Variants in NKAIN2 observed in about 807,000 individuals in gnomAD.
NKAIN2 encodes the protein sodium/potassium transporting ATPase interacting 2.
In NKAIN2, 14 loss-of-function variants were observed where a neutral mutation model predicts 32.6. The observed-to-expected ratio is 0.43, with a 90% CI of 0.28 to 0.67. The LOEUF is 0.67. NKAIN2 is among the 30% of genes least tolerant of loss of function. The pLI is 0.17. For synonymous variants in NKAIN2, 80 were observed against 87.2 expected (o/e 0.92, Z 0.46); for missense variants, 198 against 258.3 (o/e 0.77, Z 1.60).
chr6:124,135,537 G>T (rs1283375125), intron 1 of NKAIN2, among the ~76,000 whole-genome samples: 2 of 83,380 alleles, frequency 2.4e-5, no homozygotes, highest in East Asian at 4.1e-4. Context: ...AAAAAAAAAA[G>T]AAGACATTAT....
rs138180859 is a variant in NKAIN2, at chr6:124,715,446, C to T, written c.474+57060C>T. 1.8e-4 allele frequency among the ~76,000 whole-genome samples: 27 copies of T among 152,276 alleles called. No individual in the cohort carries two copies. The East Asian group carries it at 4.1e-3, about 23-fold the overall frequency. On this transcript the variant is annotated intron_variant, in intron 4 of 6. Transcript: ENST00000368417. ...CTGTGGGGCTAGAACTAGACTTAGC[C>T]TTGAGCTCTGCTCCGTGAGCCACTC...
At chr6:124,024,848 A>C (rs770661602) in intron 1 of NKAIN2, among the ~76,000 whole-genome samples, 11 of 151,934 alleles carry the variant, frequency 7.2e-5, no homozygotes, top group Non-Finnish European at 1.6e-4. Flanking sequence ...TTAGCCGAGC[A>C]TGGTGGCACA....
intron 3 of NKAIN2, among the ~76,000 whole-genome samples, chr6:124,578,449 C>G (rs541810449): frequency 6.6e-6 from 1 of 152,044 alleles, no homozygotes; most frequent in African/African-American, 2.4e-5. Context: ...TTGCTATGGG[C>G]CTGGATCTAT....
chr6:124,306,653 A>T (rs952992524), intron 2 of NKAIN2, among the ~76,000 whole-genome samples: 2 of 152,246 alleles, frequency 1.3e-5, no homozygotes, highest in African/African-American at 4.8e-5. Flanking sequence ...CCCAGCTAAG[A>T]CATATATATT....
At chr6:124,740,811 G>A (rs1250272652) in intron 4 of NKAIN2, among the ~76,000 whole-genome samples, 1 of 151,768 alleles carries the variant, frequency 6.6e-6, no homozygotes, top group African/African-American at 2.4e-5. Context: ...GGACAGTAAA[G>A]GTTGTAATAA....
At chr6:124,048,829 C>T (rs955076402) in intron 1 of NKAIN2, among the ~76,000 whole-genome samples, 1 of 151,954 alleles carries the variant, frequency 6.6e-6, no homozygotes, top group Non-Finnish European at 1.5e-5. Flanking sequence ...TTACTGCTGT[C>T]ACAGTAATTT....
chr6:124,710,267 G>A (rs1460901923), intron 4 of NKAIN2, among the ~76,000 whole-genome samples: 1 of 152,034 alleles, frequency 6.6e-6, no homozygotes, highest in African/African-American at 2.4e-5. Context: ...GGTCAATTTT[G>A]GAATAGGTGT....
chr6:124,549,292 C>T (rs965928858), intron 3 of NKAIN2, among the ~76,000 whole-genome samples: 18 of 152,102 alleles, frequency 1.2e-4, no homozygotes, highest in Non-Finnish European at 2.2e-4. Flanking sequence ...TGCTTGAACC[C>T]GGGATGCGGA....
chr6:124,380,149 G>A (rs948067606), intron 3 of NKAIN2, among the ~76,000 whole-genome samples: 1 of 152,140 alleles, frequency 6.6e-6, no homozygotes, highest in Non-Finnish European at 1.5e-5. Flanking sequence ...CAGCCACACT[G>A]CGTCCCAGCT....
chr6:124,044,611 A>G (rs1330971495), intron 1 of NKAIN2, among the ~76,000 whole-genome samples: 3 of 152,056 alleles, frequency 2.0e-5, no homozygotes, highest in African/African-American at 4.8e-5. Flanking sequence ...GATTCAATGT[A>G]CACTGTTGAG....
chr6:124,169,231 A>G (rs1788724345), intron 1 of NKAIN2, among the ~76,000 whole-genome samples: 1 of 152,188 alleles, frequency 6.6e-6, no homozygotes, highest in Admixed American at 6.5e-5. Context: ...CTGATAATAA[A>G]TATACATAGT....
intron 3 of NKAIN2, among the ~76,000 whole-genome samples, chr6:124,471,952 A>G (rs555900290): frequency 3.9e-5 from 6 of 152,192 alleles, no homozygotes; most frequent in African/African-American, 1.4e-4. Context: ...CCTTCCTTGA[A>G]TCTTTTTAAT....
intron 1 of NKAIN2, among the ~76,000 whole-genome samples, chr6:124,120,783 A>C (rs921266550): frequency 7.2e-5 from 11 of 152,184 alleles, no homozygotes; most frequent in African/African-American, 2.7e-4. Flanking sequence ...CAAGTAGAAA[A>C]GTATACGTTA....
At chr6:124,701,053 TATAAA>T (rs1774755976) in intron 4 of NKAIN2, among the ~76,000 whole-genome samples, 1 of 151,680 alleles carries the variant, frequency 6.6e-6, no homozygotes, top group Admixed American at 6.6e-5. Flanking sequence ...CTAAGCTTAT[TATAAA>T]ATATTTTATT....
chr6:124,366,096 A>T (rs1799504142), intron 3 of NKAIN2, among the ~76,000 whole-genome samples: 1 of 152,102 alleles, frequency 6.6e-6, no homozygotes, highest in South Asian at 2.1e-4. Context: ...CAACAAATGA[A>T]ACTTCTCTAA....
intron 1 of NKAIN2, among the ~76,000 whole-genome samples, chr6:124,278,736 G>T (rs538758441): frequency 4.5e-5 from 6 of 132,112 alleles, no homozygotes; most frequent in South Asian, 2.4e-4. Flanking sequence ...ATAGCACAAA[G>T]AATTAATAAA....
At chr6:124,802,007 A>G (rs929125819) in intron 5 of NKAIN2, among the ~76,000 whole-genome samples, 2 of 152,190 alleles carry the variant, frequency 1.3e-5, no homozygotes, top group East Asian at 3.9e-4. Flanking sequence ...TAAAAATGTT[A>G]GAGTAACCAT....
Position 124,461,579 on chromosome 6 carries a change from G to A in NKAIN2, c.273+106232G>A, listed in dbSNP as rs73772123. Reference sequence around the variant, plus strand: ...AAAGTTTCCTAAATTTTGGCTTTTTGTACCTGTTACAAATTATATATACAT... The same window carrying A: ...AAAGTTTCCTAAATTTTGGCTTTTTATACCTGTTACAAATTATATATACAT... On this transcript the variant is annotated intron_variant, in intron 3 of 6. Coordinates refer to ENST00000368417, the MANE Select transcript of NKAIN2 (RefSeq NM_001040214.3). Among the ~76,000 whole-genome samples the A allele has an allele frequency of 9.7e-3, 1,464 of 151,422 alleles. 21 individuals carry two copies. Among genetic ancestry groups the A allele is most frequent in the African/African-American group, 0.034 (1,390 of 41,372 alleles).
chr6:124,652,235 A>G (rs1250757904), intron 3 of NKAIN2, among the ~76,000 whole-genome samples: 2 of 152,180 alleles, frequency 1.3e-5, no homozygotes, highest in Admixed American at 1.3e-4. Context: ...CAGTTTCCAA[A>G]AAGATGTTTC....
Sources: allele counts gnomAD v4.1 joint callset (sites outside exome capture counted in the v4.1 genomes callset), GRCh38; gene constraint gnomAD v4.1.1; transcripts MANE v1.5; gene names NCBI Gene and HGNC (gene_info 2026-07-23, HGNC 2026-07-21).